FTO: variants seen among roughly 807,000 people sequenced by gnomAD.
FTO encodes the protein alpha-ketoglutarate-dependent dioxygenase FTO.
In FTO, 47 loss-of-function variants were observed where a neutral mutation model predicts 63.9. The ratio of observed to expected loss-of-function variants is 0.74; its 90% CI spans 0.58 to 0.94. FTO has a LOEUF of 0.94. Among genes scored for constraint, FTO ranks in the 40% least tolerant of loss-of-function variants. The pLI, the probability that FTO is intolerant of heterozygous loss-of-function variation, is 0.00. For synonymous variants in FTO, 207 were observed against 224.4 expected (o/e 0.92, Z 0.69); for missense variants, 562 against 618.1 (o/e 0.91, Z 0.96).
At chr16:53,908,444 A>G (rs2081592286) in intron 7 of FTO, among the ~76,000 whole-genome samples, 2 of 152,102 alleles carry the variant, frequency 1.3e-5, no homozygotes, top group Admixed American at 6.5e-5. Flanking sequence ...TTGACCTCAG[A>G]TGTTAAGAAA....
chr16:53,847,230 T>C (rs1200310417), intron 4 of FTO, among the ~76,000 whole-genome samples: 2 of 152,178 alleles, frequency 1.3e-5, no homozygotes, highest in Non-Finnish European at 2.9e-5. Context: ...CTTATCCCAC[T>C]CGGGGTCTGA....
At position 53,849,094 on chromosome 16, in the gene FTO, A is replaced by C. The variant is rs150240715; in HGVS notation, c.895+4796A>C. Among the ~76,000 whole-genome samples the C allele has an allele frequency of 4.5e-3, 687 of 152,226 alleles. 6 individuals are homozygous for C. Among genetic ancestry groups the C allele is most frequent in the African/African-American group, 0.016 (650 of 41,548 alleles). Reference sequence around the variant, plus strand: ...AGCCCTTCTTTTTTGGTTTTTCTTTACCTTGTCAACAGTTTAGGGTAGAGT... The same window carrying C: ...AGCCCTTCTTTTTTGGTTTTTCTTTCCCTTGTCAACAGTTTAGGGTAGAGT... On this transcript the variant is annotated intron_variant, in intron 4 of 8. Coordinates refer to ENST00000471389, the MANE Select transcript of FTO (RefSeq NM_001080432.3).
intron 8 of FTO, among the ~76,000 whole-genome samples, chr16:54,026,490 C>G (rs1326513577): frequency 6.6e-6 from 1 of 152,194 alleles, no homozygotes; most frequent in African/African-American, 2.4e-5. Context: ...TTAGTTTCAT[C>G]TATAGGTAAG....
intron 8 of FTO, among the ~76,000 whole-genome samples, chr16:54,053,666 G>A (rs2085363014): frequency 6.6e-6 from 1 of 152,122 alleles, no homozygotes; most frequent in Non-Finnish European, 1.5e-5. Flanking sequence ...CATTTGTTGG[G>A]CTCCAAGGAA....
rs566271902 is a variant in FTO at position 54,111,910 on chromosome 16, C to A, written c.1513C>A (p.Pro505Thr). ...CAGAGGTCAGCTTCTGGAAGCAAAA[C>A]CCTAGAAGGAGCACAAGTCTCAGGC... ...ELRGQLLEAK[P>T] Residue 505 changes from proline (P) to threonine (T), a missense_variant, in exon 9 of 9, where the codon CCC becomes ACC. Physicochemically the swap from Pro to Thr is conservative, Grantham distance 38 (BLOSUM62 -1). Transcript: ENST00000471389. 6.2e-6 allele frequency: 10 copies of A among 1,614,056 alleles called. No homozygotes were observed. The African/African-American group carries it at 1.3e-4, about 22-fold the overall frequency.
At chr16:54,017,631 G>A (rs2084484254) in intron 8 of FTO, among the ~76,000 whole-genome samples, 2 of 152,012 alleles carry the variant, frequency 1.3e-5, no homozygotes, top group South Asian at 4.2e-4. Flanking sequence ...TGGCACGTTA[G>A]CTCACCATCC....
chr16:54,098,162 T>C (rs558788552), intron 8 of FTO, among the ~76,000 whole-genome samples: 75 of 152,310 alleles, frequency 4.9e-4, no homozygotes, highest in African/African-American at 1.5e-3. Context: ...TTTAAATCAG[T>C]TTAATTCATC....
chr16:54,085,628 AAGGTGACCTT>A (rs1257950267), intron 8 of FTO, among the ~76,000 whole-genome samples: 2 of 150,654 alleles, frequency 1.3e-5, no homozygotes, highest in Non-Finnish European at 3.0e-5. Flanking sequence ...ATCAAAAGAA[AAGGTGACCTT>A]AGGCCAAGGC....
intron 8 of FTO, among the ~76,000 whole-genome samples, chr16:54,014,513 T>C (rs1283585184): frequency 6.6e-6 from 1 of 152,066 alleles, no homozygotes; most frequent in Non-Finnish European, 1.5e-5. Context: ...GTGTCCTGTT[T>C]CTTGTACAGC....
intron 7 of FTO, among the ~76,000 whole-genome samples, chr16:53,894,189 G>A (rs2081222028): frequency 2.0e-5 from 3 of 152,168 alleles, no homozygotes; most frequent in African/African-American, 7.2e-5. Context: ...AGTTATAATA[G>A]TTTAATTTTA....
At chr16:53,834,252 C>G (rs2079227002) in intron 3 of FTO, among the ~76,000 whole-genome samples, 1 of 152,100 alleles carries the variant, frequency 6.6e-6, no homozygotes, top group Non-Finnish European at 1.5e-5. Context: ...TCTTGATCTC[C>G]TGACCTTGTG....
intron 8 of FTO, among the ~76,000 whole-genome samples, chr16:54,042,165 C>T (rs374998607): frequency 0.015 from 2,296 of 151,242 alleles, 45 homozygotes; most frequent in African/African-American, 0.052. Flanking sequence ...ACGCAGAAGA[C>T]GGGTGATTTC....
At chr16:53,711,603 C>CG (rs775146028) in intron 1 of FTO, 148 of 395,598 alleles carry the variant, frequency 3.7e-4, no homozygotes, top group Non-Finnish European at 4.4e-4. Flanking sequence ...GGATTCCTTA[C>CG]GGGGTTTTTC....
At chr16:53,726,862 T>C (rs2076165442) in intron 1 of FTO, among the ~76,000 whole-genome samples, 1 of 152,194 alleles carries the variant, frequency 6.6e-6, no homozygotes, top group South Asian at 2.1e-4. Flanking sequence ...ATGACAGGCA[T>C]TGGCCTGCAA....
intron 8 of FTO, among the ~76,000 whole-genome samples, chr16:53,959,524 AATT>A (rs1335421493): frequency 2.0e-5 from 3 of 151,682 alleles, no homozygotes; most frequent in Non-Finnish European, 4.4e-5. Context: ...TTATTATTAT[AATT>A]ATTATTGTCA....
At chr16:53,731,748 C>CT (rs1288180518) in intron 1 of FTO, among the ~76,000 whole-genome samples, 10,235 of 127,366 alleles carry the variant, frequency 0.08, 1,033 homozygotes, top group African/African-American at 0.2. Flanking sequence ...AATGTTTGTA[C>CT]TTTTTTTTTT....
At chr16:53,935,809 A>G (rs1307655375) in intron 8 of FTO, 1 of 152,226 alleles carries the variant, frequency 6.6e-6, no homozygotes, top group Non-Finnish European at 1.5e-5. Context: ...TTAAGCATGT[A>G]TATTCATTAA....
intron 1 of FTO, among the ~76,000 whole-genome samples, chr16:53,718,285 C>T (rs903201318): frequency 1.3e-5 from 2 of 151,854 alleles, no homozygotes; most frequent in African/African-American, 2.4e-5. Flanking sequence ...TTTTTGGTTA[C>T]TATTGAAAAT....
chr16:54,048,126 T>TAAAAAAAAAAAA (rs71380060), intron 8 of FTO, among the ~76,000 whole-genome samples: 1 of 56,470 alleles, frequency 1.8e-5, no homozygotes, highest in Non-Finnish European at 3.0e-5. Context: ...AAAAAAAAAT[T>TAAAAAAAAAAAA]AAAAAAAAAA....
Sources: gnomAD v4.1 joint callset for allele counts (sites outside exome capture counted in the v4.1 genomes callset) on GRCh38, gnomAD v4.1.1 for gene constraint, MANE v1.5 for transcripts, NCBI Gene and HGNC (gene_info 2026-07-23, HGNC 2026-07-21) for gene names.